The following CACNA1A variants were observed in gnomAD, a reference collection of about 807,000 sequenced individuals.
CACNA1A encodes the protein voltage-dependent P/Q-type calcium channel subunit alpha-1A.
A neutral mutation model predicts 262.4 loss-of-function variants in CACNA1A; 57 were observed. The ratio of observed to expected loss-of-function variants is 0.22; its 90% confidence interval spans 0.18 to 0.27. The LOEUF (loss-of-function observed/expected upper bound fraction) is 0.27. Among genes scored for constraint, CACNA1A ranks in the 10% least tolerant of loss-of-function variants. The pLI is 1.00. For missense variants in CACNA1A, 2,526 were observed against 3,562.8 expected (o/e 0.71, Z 7.41); for synonymous variants, 1,431 against 1,419.3 (o/e 1.01, Z -0.18).
chr19:13,335,593 T>C (rs2058550134), intron 7 of CACNA1A, among the ~76,000 whole-genome samples: 1 of 151,996 alleles, frequency 6.6e-6, no homozygotes, highest in African/African-American at 2.4e-5. Flanking sequence ...GTAAAGAAAG[T>C]AAAGCCCATA....
intron 1 of CACNA1A, among the ~76,000 whole-genome samples, chr19:13,489,922 T>C (rs1432242814): frequency 6.6e-6 from 1 of 152,202 alleles, no homozygotes; most frequent in African/African-American, 2.4e-5. Flanking sequence ...GATCTTTATT[T>C]TTGAGCCTTA....
intron 27 of CACNA1A, 64 bp from the exon 28 acceptor site, chr19:13,257,615 G>A: frequency 9.4e-7 from 1 of 1,058,584 alleles, no homozygotes; most frequent in East Asian, 2.6e-5. Flanking sequence ...CCCAAGGGGT[G>A]ATGAGGAAGG....
chr19:13,456,169 A>C (rs1599296499), intron 1 of CACNA1A, among the ~76,000 whole-genome samples: 1 of 151,288 alleles, frequency 6.6e-6, no homozygotes, highest in Admixed American at 6.6e-5. Context: ...TAAAATAATA[A>C]ATAAATAAGT....
At chr19:13,292,449 C>CA (rs1385859637) in intron 19 of CACNA1A, among the ~76,000 whole-genome samples, 1 of 151,702 alleles carries the variant, frequency 6.6e-6, no homozygotes, top group Non-Finnish European at 1.5e-5. Flanking sequence ...CCTGTGTCTA[C>CA]AAAAAATACA....
intron 11 of CACNA1A, among the ~76,000 whole-genome samples, chr19:13,314,840 G>C (rs1261276224): frequency 6.6e-6 from 1 of 152,132 alleles, no homozygotes; most frequent in East Asian, 1.9e-4. Flanking sequence ...ACGCTAAGGA[G>C]ATCTTAGTGT....
chr19:13,214,639 G>C lies in CACNA1A; in HGVS notation c.5732-31C>G, dbSNP rs780491403. 2.0e-6 allele frequency: 3 copies of C among 1,535,688 alleles called. No individual in the cohort carries two copies. Among genetic ancestry groups the C allele is most frequent in the Non-Finnish European group, 2.7e-6 (3 of 1,113,064 alleles). On this transcript the variant is annotated intron_variant, in intron 38 of 46. Transcript: ENST00000360228. This position sits in a 1 kb window ranked among gnomAD's most constrained non-coding sequence, Gnocchi z 4.1. ...ATGGGGGTGTAGACAGACCCTGACTGCCTGCCTGGGTGTCAGCTGGACTCT... is the reference window on the plus strand; with the variant it reads ...ATGGGGGTGTAGACAGACCCTGACTCCCTGCCTGGGTGTCAGCTGGACTCT...
intron 1 of CACNA1A, among the ~76,000 whole-genome samples, chr19:13,499,447 T>C (rs866667309): frequency 1.3e-4 from 11 of 87,706 alleles, no homozygotes; most frequent in African/African-American, 5.2e-4. Flanking sequence ...TCGCAGGGGG[T>C]GGTGGGGGGG....
At chr19:13,463,238 T>C (rs1026595565) in intron 1 of CACNA1A, among the ~76,000 whole-genome samples, 28 of 151,984 alleles carry the variant, frequency 1.8e-4, no homozygotes, top group African/African-American at 6.8e-4. Context: ...TCCCAACCAA[T>C]GGCCACAGTT....
chr19:13,270,945 G>C (rs1200145099), intron 24 of CACNA1A, among the ~76,000 whole-genome samples: 1 of 152,162 alleles, frequency 6.6e-6, no homozygotes. Context: ...AGCCTGCCAG[G>C]GTTGACAGGA....
chr19:13,285,316 C>T (rs2057375685), intron 20 of CACNA1A, 110 bp from the exon 21 acceptor site: 4 of 1,216,812 alleles, frequency 3.3e-6, no homozygotes, highest in Non-Finnish European at 3.5e-6. Context: ...TTCTAAAGTG[C>T]CTGCTGTATA....
At chr19:13,216,077 C>T (rs1051287750) in intron 38 of CACNA1A, among the ~76,000 whole-genome samples, 21 of 152,116 alleles carry the variant, frequency 1.4e-4, no homozygotes, top group African/African-American at 4.8e-4. Flanking sequence ...AGCCACTGTG[C>T]GTGGCTCAGA....
At chr19:13,261,335 T>A (rs2056729732) in intron 26 of CACNA1A, 115 bp downstream of exon 26, 1 of 946,944 alleles carries the variant, frequency 1.1e-6, no homozygotes, top group South Asian at 1.8e-5. Flanking sequence ...ACTGAGTCAC[T>A]TCCAAGGCTC....
chr19:13,294,530 T>C (rs974095670), intron 19 of CACNA1A, among the ~76,000 whole-genome samples: 1 of 142,690 alleles, frequency 7.0e-6, no homozygotes, highest in South Asian at 2.4e-4. Context: ...TCTTGTTCTG[T>C]TGCCCAGGCT....
At chr19:13,346,864 G>C (rs1014261131) in intron 6 of CACNA1A, among the ~76,000 whole-genome samples, 2 of 147,846 alleles carry the variant, frequency 1.4e-5, no homozygotes, top group Non-Finnish European at 3.0e-5. Context: ...TATTTTAGTA[G>C]AGACGGGGTT....
chr19:13,272,054 G>A (rs149136554), intron 24 of CACNA1A: 10 of 152,300 alleles, frequency 6.6e-5, no homozygotes, highest in African/African-American at 2.4e-4. Flanking sequence ...AAAGAGCTAG[G>A]ATTACAGGCA....
intron 3 of CACNA1A, among the ~76,000 whole-genome samples, chr19:13,393,095 T>G (rs995855468): frequency 1.3e-5 from 2 of 152,128 alleles, no homozygotes; most frequent in African/African-American, 4.8e-5. Context: ...CTACCAAAGC[T>G]AAACCAATTC....
intron 17 of CACNA1A, among the ~76,000 whole-genome samples, chr19:13,301,545 T>A (rs968881886): frequency 7.9e-5 from 12 of 152,112 alleles, no homozygotes; most frequent in African/African-American, 2.7e-4. Context: ...TCACTGGTGG[T>A]TAGGTTCAGA....
chr19:13,212,229 T>C lies in CACNA1A; in HGVS notation c.6190-13A>G, dbSNP rs1600088809. The C allele has an allele frequency of 1.2e-6, 2 of 1,611,402 alleles. No individual in the cohort carries two copies. Among genetic ancestry groups the C allele is most frequent in the Non-Finnish European group, 1.7e-6 (2 of 1,177,728 alleles). ...GCATCTCCACGGACTGCGGAGCAGA[T>C]GGCAAAGCCAGATGAGCTCTGGGGC... On this transcript the variant is annotated splice_polypyrimidine_tract_variant and intron_variant, in intron 42 of 46. Transcript: ENST00000360228. The surrounding 1 kb of genome is among the most constrained non-coding windows in gnomAD (Gnocchi z 5.6).
At chr19:13,275,600 G>C (rs917446428) in intron 24 of CACNA1A, 2 of 532,644 alleles carry the variant, frequency 3.8e-6, no homozygotes, top group African/African-American at 3.8e-5. Flanking sequence ...CCAGTGATGT[G>C]GCTGAGGCCC....
Sources: allele counts gnomAD v4.1 joint callset (sites outside exome capture counted in the v4.1 genomes callset), GRCh38; gene constraint gnomAD v4.1.1; non-coding constraint Gnocchi (gnomAD v3.1); transcripts MANE v1.5; gene names NCBI Gene and HGNC (gene_info 2026-07-23, HGNC 2026-07-21).